Variants in RAPGEF2 observed in about 807,000 individuals in gnomAD.
RAPGEF2 encodes the protein Rap guanine nucleotide exchange factor 2.
RAPGEF2 carries 54 observed loss-of-function variants against 186.7 expected under a neutral mutation model. The ratio of observed to expected loss-of-function variants is 0.29; its 90% CI spans 0.23 to 0.36. The LOEUF (loss-of-function observed/expected upper bound fraction) is 0.36, where lower values mean the gene tolerates loss of function less well. RAPGEF2 is among the 10% of genes least tolerant of loss of function. The probability of loss-of-function intolerance (pLI) is 1.00; values close to 1 mark genes in which losing one functional copy is unlikely to be tolerated. For synonymous variants in RAPGEF2, 712 were observed against 705.9 expected (o/e 1.01, Z -0.14); for missense variants, 1,532 against 2,045.0 (o/e 0.75, Z 4.84).
chr4:159,161,933 C>T (rs1679951539), intron 1 of RAPGEF2, among the ~76,000 whole-genome samples: 1 of 152,058 alleles, frequency 6.6e-6, no homozygotes, highest in African/African-American at 2.4e-5. Context: ...GATTATCTTC[C>T]AAATCTATTC....
Position 159,331,930 on chromosome 4 carries a change from T to C in RAPGEF2, c.1784T>C (p.Leu595Ser). 6.3e-7 allele frequency: 1 copy of C among 1,596,542 alleles called. No individual in the cohort carries two copies. The highest frequency in any genetic ancestry group is 8.5e-7 in the Non-Finnish European group (1 of 1,174,232). ...ATTTTATAATTTCATTTTTAGATATTAGAAGTAAATGGCCAAAACTTTGAA... is the reference window on the plus strand; with the variant it reads ...ATTTTATAATTTCATTTTTAGATATCAGAAGTAAATGGCCAAAACTTTGAA... ...EAGLKRGDQI[L>S]EVNGQNFENI... Residue 595 changes from leucine (L) to serine (S), a missense_variant, in exon 16 of 30, where the codon TTA (leucine) becomes TCA (serine). This residue lies in a region of RAPGEF2 where 810 missense variants were observed against 1,210.5 expected (regional missense o/e 0.67). Transcript: ENST00000691494.
At chr4:159,140,429 A>G (rs956421068) in intron 1 of RAPGEF2, among the ~76,000 whole-genome samples, 5 of 152,228 alleles carry the variant, frequency 3.3e-5, no homozygotes, top group Non-Finnish European at 5.9e-5. Flanking sequence ...ATTGGAAGGT[A>G]TATATTAATT....
intron 4 of RAPGEF2, among the ~76,000 whole-genome samples, chr4:159,217,204 A>G (rs996424343): frequency 7.2e-5 from 11 of 152,126 alleles, no homozygotes; most frequent in Admixed American, 3.3e-4. Context: ...TAGGGGGTAC[A>G]CGTGCAGGTT....
chr4:159,303,276 A>G (rs1181833046), intron 7 of RAPGEF2, among the ~76,000 whole-genome samples: 2 of 151,924 alleles, frequency 1.3e-5, no homozygotes, highest in Admixed American at 6.6e-5. Context: ...GGGGGAGGGA[A>G]TGAGCCTCAA....
At chr4:159,268,187 G>T (rs1452786119) in intron 7 of RAPGEF2, 2 of 1,610,982 alleles carry the variant, frequency 1.2e-6, no homozygotes, top group African/African-American at 2.7e-5. Flanking sequence ...GCTAACCATG[G>T]AGTTATGGGC....
At chr4:159,109,236 A>ATC (rs1318172449) in intron 1 of RAPGEF2, among the ~76,000 whole-genome samples, 1 of 152,018 alleles carries the variant, frequency 6.6e-6, no homozygotes, top group Non-Finnish European at 1.5e-5. Flanking sequence ...CATACCTGTA[A>ATC]TCCCAGCACT....
Position 159,261,305 on chromosome 4 carries a change from G to T in RAPGEF2, c.543+17514G>T, listed in dbSNP as rs182586115. ...TCTCCATCTCCTGACCTTGTGATTC[G>T]CCCACCTTGACCTCCCAAAGTGCTG... On this transcript the variant is annotated intron_variant, in intron 7 of 29. Coordinates refer to ENST00000691494, the MANE Select transcript of RAPGEF2 (RefSeq NM_001394067.2). Among the ~76,000 whole-genome samples, 6 of 148,050 alleles carry T rather than the reference G, an allele frequency of 4.1e-5. No individual in the cohort carries two copies. The East Asian group carries it at 1.3e-3, about 31-fold the overall frequency.
intron 1 of RAPGEF2, among the ~76,000 whole-genome samples, chr4:159,121,874 C>CG (rs1739722615): frequency 7.5e-6 from 1 of 133,772 alleles, no homozygotes; most frequent in Non-Finnish European, 1.6e-5. Context: ...ACTAAAAATA[C>CG]AAAAAAAAAA....
intron 4 of RAPGEF2, among the ~76,000 whole-genome samples, chr4:159,237,312 C>T (rs553893225): frequency 1.3e-5 from 2 of 152,102 alleles, no homozygotes; most frequent in African/African-American, 2.4e-5. Context: ...GGTGCCATCG[C>T]GCGTGGCCGG....
In RAPGEF2 at chr4:159,103,796, G is replaced by C. The variant is rs999055091; in HGVS notation, c.-367G>C. ...GGGCCCGCTGGGGCCAGGAGGAGCC[G>C]CCACTGTCCCCCGAGTGGAGCCGGG... On this transcript the variant is annotated 5_prime_UTR_variant, in exon 1 of 30. Transcript: ENST00000691494. The C allele has an allele frequency of 6.5e-5, 10 of 152,726 alleles. No individual in the cohort carries two copies. Among genetic ancestry groups the C allele is most frequent in the Admixed American group, 3.3e-4 (5 of 15,284 alleles). 9.5% of individuals were successfully genotyped at this position (152,726 alleles called of 1,614,324 possible). A position where few individuals can be genotyped will look rare whatever the true frequency, so the allele number is the denominator to read the frequency against.
intron 1 of RAPGEF2, among the ~76,000 whole-genome samples, chr4:159,158,540 T>G (rs1744361604): frequency 6.6e-6 from 1 of 152,202 alleles, no homozygotes; most frequent in Non-Finnish European, 1.5e-5. Context: ...CTAACACCTT[T>G]CCTTTACAGA....
intron 4 of RAPGEF2, among the ~76,000 whole-genome samples, chr4:159,221,051 C>T (rs13124646): frequency 0.37 from 56,283 of 151,972 alleles, 10,843 homozygotes; most frequent in Non-Finnish European, 0.42. Context: ...TGATATTGTT[C>T]GACCCTTGCA....
intron 9 of RAPGEF2, among the ~76,000 whole-genome samples, chr4:159,321,298 T>C (rs1400274529): frequency 6.6e-6 from 1 of 151,860 alleles, no homozygotes; most frequent in Non-Finnish European, 1.5e-5. Flanking sequence ...CCTCAAACTC[T>C]TGGGCTCAAG....
chr4:159,296,739 G>GA (rs1218222864), intron 7 of RAPGEF2, among the ~76,000 whole-genome samples: 1 of 152,112 alleles, frequency 6.6e-6, no homozygotes, highest in Non-Finnish European at 1.5e-5. Flanking sequence ...GTTATCTTTG[G>GA]AAAAATGGGG....
chr4:159,230,674 TAATTTTGCTG>T (rs1752534463), intron 4 of RAPGEF2, among the ~76,000 whole-genome samples: 1 of 152,212 alleles, frequency 6.6e-6, no homozygotes, highest in South Asian at 2.1e-4. Flanking sequence ...TGGTCATTTG[TAATTTTGCTG>T]AATTTGAATT....
rs375737795 is a variant in RAPGEF2 at position 159,358,124 on chromosome 4, A to G, written c.4968A>G (p.Gln1656=). Residue 1656 remains glutamine, a synonymous_variant, in exon 30 of 30, where the codon CAA becomes CAG. Coordinates refer to ENST00000691494, the MANE Select transcript of RAPGEF2 (RefSeq NM_001394067.2). Reference sequence around the variant, plus strand: ...CTGCTGTATTTGCAGAAGATGAACAAGTTTCTGCTGTTTGAGGCACAGACT... The same window carrying G: ...CTGCTGTATTTGCAGAAGATGAACAGGTTTCTGCTGTTTGAGGCACAGACT... ...GFSTEEDEDE[Q]VSAV 1 of 1,612,484 alleles carries G rather than the reference A, an allele frequency of 6.2e-7. No individual in the cohort carries two copies. The highest frequency in any genetic ancestry group is 8.5e-7 in the Non-Finnish European group (1 of 1,179,392).
Position 159,272,063 on chromosome 4 carries a change from T to A in RAPGEF2, c.543+28272T>A, listed in dbSNP as rs28693651. 8.3e-3 allele frequency among the ~76,000 whole-genome samples: 1,260 copies of A among 152,300 alleles called. 17 individuals carry two copies. Among genetic ancestry groups the A allele is most frequent in the African/African-American group, 0.029 (1,189 of 41,556 alleles). ...ATTCCCTTTGTAACCTCTGAGTGCC[T>A]GACCGTGGCCATTTGTGTTCTACCA... On this transcript the variant is annotated intron_variant, in intron 7 of 29. Coordinates refer to ENST00000691494, the MANE Select transcript of RAPGEF2 (RefSeq NM_001394067.2).
chr4:159,209,907 A>G (rs1750356072), intron 3 of RAPGEF2, among the ~76,000 whole-genome samples: 1 of 152,246 alleles, frequency 6.6e-6, no homozygotes, highest in Non-Finnish European at 1.5e-5. Flanking sequence ...ACATCCATAC[A>G]TGCTTTACAG....
In RAPGEF2 at chr4:159,344,067, G is replaced by T. The variant is rs1202519058; in HGVS notation, c.3278+8G>T. ...GAAATGGCGGAGTTTGGGGTAAGTGGTGGAGACCTTGCATACCCACACACA... is the reference window on the plus strand; with the variant it reads ...GAAATGGCGGAGTTTGGGGTAAGTGTTGGAGACCTTGCATACCCACACACA... On this transcript the variant is annotated splice_region_variant and intron_variant, in intron 23 of 29. Transcript: ENST00000691494. The T allele has an allele frequency of 6.5e-7, 1 of 1,531,414 alleles. No homozygotes were observed. The allele number at this position is 1,531,414 out of a possible 1,614,324, so 94.9% of individuals were successfully genotyped here.
Sources: allele counts gnomAD v4.1 joint callset (sites outside exome capture counted in the v4.1 genomes callset), GRCh38; gene constraint gnomAD v4.1.1; regional missense constraint gnomAD v4.1.1; transcripts MANE v1.5; gene names NCBI Gene and HGNC (gene_info 2026-07-23, HGNC 2026-07-21).